The following LATS2 variants were observed in gnomAD, a reference collection of about 807,000 sequenced individuals.
The protein encoded by LATS2 is large tumor suppressor kinase 2.
A neutral mutation model predicts 76.0 loss-of-function variants in LATS2; 24 were observed. The ratio of observed to expected loss-of-function variants is 0.32; its 90% CI spans 0.23 to 0.44. LATS2 has a LOEUF of 0.44. LATS2 is among the 20% of genes least tolerant of loss of function. The pLI is 1.00. For synonymous variants in LATS2, 692 were observed against 635.4 expected (o/e 1.09, Z -1.34); for missense variants, 1,286 against 1,481.2 (o/e 0.87, Z 2.16).
intron 3 of LATS2, among the ~76,000 whole-genome samples, chr13:20,990,616 C>T (rs1870466406): frequency 6.6e-6 from 1 of 152,060 alleles, no homozygotes; most frequent in Non-Finnish European, 1.5e-5. Context: ...CCAGGCCACA[C>T]AGTGTTGGGT....
chr13:21,050,075 G>C (rs1317378329), intron 1 of LATS2, among the ~76,000 whole-genome samples: 1 of 150,720 alleles, frequency 6.6e-6, no homozygotes, highest in African/African-American at 2.4e-5. Context: ...AGCTGAGATT[G>C]TGCCACTGCA....
In LATS2 at chr13:20,988,611, G is replaced by A. The variant is rs1157842597; in HGVS notation, c.1169C>T (p.Pro390Leu). Reference protein sequence around the residue: ...SLQKPGLEAPPRAHVAFRPDC... With the variant: ...SLQKPGLEAPLRAHVAFRPDC... ...AGGCCGGAAGGCCACGTGCGCGCGC[G>A]GCGGCGCCTCCAGGCCCGGCTTCTG... is the stretch of plus-strand genomic sequence containing the variant. The change falls in exon 4 of 8, where the codon CCG becomes CTG. Residue 390 changes from proline (P) to leucine (L), a missense_variant. Pro to Leu is a moderately conservative substitution (Grantham distance 98). This residue lies in a region of LATS2 where 710 missense variants were observed against 660.9 expected (regional missense o/e 1.07). Transcript: ENST00000382592. 4.4e-6 allele frequency: 7 copies of A among 1,589,366 alleles called. No individual in the cohort carries two copies. The African/African-American group carries it at 5.4e-5, about 12-fold the overall frequency.
chr13:20,979,494 G>A (rs1432564460), intron 7 of LATS2, among the ~76,000 whole-genome samples, 197 bp downstream of exon 7: 1 of 152,012 alleles, frequency 6.6e-6, no homozygotes, highest in African/African-American at 2.4e-5. Flanking sequence ...CCAATTCCAT[G>A]GCTTTGCTTA....
At chr13:21,028,995 T>C (rs147440484) in intron 2 of LATS2, among the ~76,000 whole-genome samples, 1 of 152,370 alleles carries the variant, frequency 6.6e-6, no homozygotes, top group East Asian at 1.9e-4. Flanking sequence ...CTTTTAAAAA[T>C]AGATTCCTTA....
intron 7 of LATS2, among the ~76,000 whole-genome samples, chr13:20,979,379 A>G (rs1346118616): frequency 1.3e-5 from 2 of 152,122 alleles, no homozygotes; most frequent in Non-Finnish European, 2.9e-5. Flanking sequence ...TGGGGGAGAC[A>G]GTGGATCAGC....
intron 2 of LATS2, among the ~76,000 whole-genome samples, chr13:21,027,706 G>A (rs1379623513): frequency 2.0e-5 from 3 of 152,148 alleles, no homozygotes; most frequent in South Asian, 4.2e-4. Context: ...CTCTACCTGT[G>A]TTCTTTTTTA....
intron 1 of LATS2, among the ~76,000 whole-genome samples, chr13:21,051,671 A>C (rs952324083): frequency 1.3e-5 from 2 of 152,198 alleles, no homozygotes; most frequent in Non-Finnish European, 2.9e-5. Context: ...GAAAAAGCAC[A>C]GGGCAGGCTG....
intron 2 of LATS2, among the ~76,000 whole-genome samples, chr13:21,041,236 T>C (rs1872871519): frequency 6.6e-6 from 1 of 152,076 alleles, no homozygotes; most frequent in South Asian, 2.1e-4. Flanking sequence ...CCTCCCAAAG[T>C]GCTGGGATTA....
intron 1 of LATS2, among the ~76,000 whole-genome samples, chr13:21,048,719 C>T (rs113125987): frequency 0.024 from 3,678 of 152,100 alleles, 133 homozygotes; most frequent in African/African-American, 0.084. Context: ...TGCCTATAAT[C>T]CCAGCTACTT....
chr13:21,042,443 T>C (rs534869290), intron 2 of LATS2, among the ~76,000 whole-genome samples: 1 of 152,246 alleles, frequency 6.6e-6, no homozygotes, highest in South Asian at 2.1e-4. Flanking sequence ...AACTTATAAT[T>C]CCAGCACTTT....
intron 2 of LATS2, among the ~76,000 whole-genome samples, chr13:21,042,923 G>A (rs187036182): frequency 1.3e-5 from 2 of 151,654 alleles, no homozygotes; most frequent in Admixed American, 1.3e-4. Flanking sequence ...GGCAGAAGTT[G>A]CAGTGAGCCG....
chr13:20,992,169 G>A (rs1870535904), intron 2 of LATS2, among the ~76,000 whole-genome samples: 3 of 152,222 alleles, frequency 2.0e-5, no homozygotes, highest in South Asian at 2.1e-4. Flanking sequence ...AGCCCTGGGA[G>A]AGAAAAGGCA....
chr13:21,012,167 A>G (rs1871615533), intron 2 of LATS2, among the ~76,000 whole-genome samples: 1 of 152,238 alleles, frequency 6.6e-6, no homozygotes. Context: ...AACATCTCTA[A>G]ACATAGAAAA....
At chr13:20,998,718 G>A (rs1870880423) in intron 2 of LATS2, among the ~76,000 whole-genome samples, 1 of 152,134 alleles carries the variant, frequency 6.6e-6, no homozygotes, top group Non-Finnish European at 1.5e-5. Context: ...TTGGGCAGGT[G>A]GGGCCCCAAG....
intron 2 of LATS2, among the ~76,000 whole-genome samples, chr13:21,029,718 G>A (rs1049491651): frequency 6.6e-6 from 1 of 152,150 alleles, no homozygotes; most frequent in Admixed American, 6.5e-5. Context: ...TTGAACCCGG[G>A]AGGCAGAGGT....
chr13:20,981,084 G>A (rs532924598), intron 6 of LATS2, among the ~76,000 whole-genome samples: 2 of 152,346 alleles, frequency 1.3e-5, no homozygotes, highest in African/African-American at 4.8e-5. Context: ...AACTCAGCCA[G>A]GAGCCTGAGA....
At chr13:21,035,831 C>G (rs746754142) in intron 2 of LATS2, among the ~76,000 whole-genome samples, 2 of 152,186 alleles carry the variant, frequency 1.3e-5, no homozygotes, top group African/African-American at 2.4e-5. Flanking sequence ...TAGAGCCCAC[C>G]TAGGACCTGC....
At chr13:21,052,710 T>C (rs1475046813) in intron 1 of LATS2, among the ~76,000 whole-genome samples, 1 of 152,206 alleles carries the variant, frequency 6.6e-6, no homozygotes, top group Non-Finnish European at 1.5e-5. Flanking sequence ...AAAGTAGCTT[T>C]CTTTTAACTG....
intron 2 of LATS2, among the ~76,000 whole-genome samples, chr13:20,992,376 G>A (rs753146534): frequency 7.2e-5 from 11 of 152,186 alleles, no homozygotes; most frequent in South Asian, 6.2e-4. Flanking sequence ...GGCTGGGGGC[G>A]GCTGTGGGTG....
Sources: gnomAD v4.1 joint callset for allele counts (sites outside exome capture counted in the v4.1 genomes callset) on GRCh38, gnomAD v4.1.1 for gene constraint, gnomAD v4.1.1 regional missense constraint, MANE v1.5 for transcripts, NCBI Gene and HGNC (gene_info 2026-07-23, HGNC 2026-07-21) for gene names.